The following RSRC2 variants were observed in gnomAD, a reference collection of about 807,000 sequenced individuals.
RSRC2 encodes arginine/serine-rich coiled-coil protein 2.
In RSRC2, 5 loss-of-function variants were observed where a neutral mutation model predicts 61.3. That is an observed-to-expected ratio of 0.08 (90% confidence interval 0.04 to 0.17). The LOEUF is 0.17. RSRC2 is among the 10% of genes least tolerant of loss of function. The pLI is 1.00. For missense variants in RSRC2, 381 were observed against 518.8 expected (o/e 0.73, Z 2.58); for synonymous variants, 202 against 166.5 (o/e 1.21, Z -1.64).
At chr12:122,514,547 T>A (rs1958766704) in intron 6 of RSRC2, 57 of 966,496 alleles carry the variant, frequency 5.9e-5, no homozygotes, top group Non-Finnish European at 7.0e-5. Flanking sequence ...ATTACAGGTG[T>A]GACCGATTGC....
rs1958023093 is a variant in RSRC2 at position 122,504,842 on chromosome 12, T to A, written c.*685A>T. On this transcript the variant is annotated 3_prime_UTR_variant, in exon 10 of 10. Transcript: ENST00000331738. ...TACTGAATACCAAGTCTGTCCCTTA[T>A]AATAGGAAAACATACTATTTTAGTA... 1 of 152,608 alleles carries A rather than the reference T, an allele frequency of 6.6e-6. No homozygotes were observed. The highest frequency in any genetic ancestry group is 2.4e-5 in the African/African-American group (1 of 41,450). 9.5% of individuals were successfully genotyped at this position (152,608 alleles called of 1,614,324 possible). A position where few individuals can be genotyped will look rare whatever the true frequency, so the allele number is the denominator to read the frequency against.
intron 3 of RSRC2, 114 bp from the exon 4 acceptor site, chr12:122,519,143 G>A (rs769594180): frequency 6.5e-5 from 49 of 755,510 alleles, no homozygotes; most frequent in Non-Finnish European, 1.0e-4. Context: ...AGGAGTGTGT[G>A]GCAAATAAAA....
chr12:122,524,172 T>C (rs969594076), intron 1 of RSRC2, among the ~76,000 whole-genome samples: 2 of 152,234 alleles, frequency 1.3e-5, no homozygotes, highest in African/African-American at 4.8e-5. Context: ...TGCATCTCCG[T>C]ATCTTTACTG....
intron 3 of RSRC2, chr12:122,520,252 C>T (rs1375602968): frequency 3.9e-6 from 1 of 255,038 alleles, no homozygotes; most frequent in Non-Finnish European, 7.9e-6. Flanking sequence ...AATAAGAGAC[C>T]TGGAGACACA....
chr12:122,508,084 T>C (rs1958246130), intron 8 of RSRC2, 134 bp downstream of exon 8: 1 of 789,898 alleles, frequency 1.3e-6, no homozygotes. Context: ...ATTAAAGGCA[T>C]AAGCCACCCG....
At chr12:122,524,317 C>T (rs1434999050) in intron 1 of RSRC2, among the ~76,000 whole-genome samples, 1 of 152,048 alleles carries the variant, frequency 6.6e-6, no homozygotes, top group Non-Finnish European at 1.5e-5. Context: ...AGTGTTTGTA[C>T]AGCTTACACT....
intron 5 of RSRC2, 39 bp downstream of exon 5, chr12:122,517,188 G>A (rs1959002531): frequency 6.2e-7 from 1 of 1,612,396 alleles, no homozygotes; most frequent in Non-Finnish European, 8.5e-7. Context: ...GACTCTCTGA[G>A]GGTCCTATTA....
chr12:122,508,569 A>C, intron 7 of RSRC2, 122 bp from the exon 8 acceptor site: 1 of 717,380 alleles, frequency 1.4e-6, no homozygotes, highest in African/African-American at 1.8e-5. Context: ...TTTTCACCAA[A>C]TCCAAGGAAA....
intron 5 of RSRC2, 130 bp from the exon 6 acceptor site, chr12:122,515,357 A>C: frequency 1.2e-6 from 1 of 865,786 alleles, no homozygotes; most frequent in South Asian, 1.7e-5. Flanking sequence ...AAAAGATTTA[A>C]AACATCAGTG....
chr12:122,522,465 G>T, intron 1 of RSRC2, 166 bp from the exon 2 acceptor site: 1 of 575,184 alleles, frequency 1.7e-6, no homozygotes, highest in Admixed American at 3.8e-5. Context: ...AAGGCTGAAT[G>T]GCTTGAAATG....
In RSRC2 at chr12:122,521,282, A is replaced by G. The variant is rs1959201198; in HGVS notation, c.207+103T>C. On this transcript the variant is annotated intron_variant, in intron 3 of 9. Coordinates refer to ENST00000331738, the MANE Select transcript of RSRC2 (RefSeq NM_023012.6). The stretch of plus-strand genomic sequence containing the variant: ...AACCCAATAAACCTTTTAAATTTCA[A>G]GTTTTGTACTTACCTTGACAACGTC... The G allele has an allele frequency of 8.9e-6, 7 of 782,798 alleles. No homozygotes were observed. In the African/African-American group the frequency reaches 1.0e-4, roughly 12 times the overall value. The allele number at this position is 782,798 out of a possible 1,614,324, so 48.5% of individuals were successfully genotyped here. A position where few individuals can be genotyped will look rare whatever the true frequency, so the allele number is the denominator to read the frequency against.
At chr12:122,521,789 G>A (rs11614176) in intron 2 of RSRC2, among the ~76,000 whole-genome samples, 6,096 of 152,224 alleles carry the variant, frequency 0.04, 178 homozygotes, top group Non-Finnish European at 0.057. Flanking sequence ...AAAATAAACA[G>A]GTTGAATTAT....
rs1410409923 is a variant in RSRC2 at position 122,518,797 on chromosome 12, A to T, written c.398+42T>A. On this transcript the variant is annotated intron_variant, in intron 4 of 9. Coordinates refer to ENST00000331738, the MANE Select transcript of RSRC2 (RefSeq NM_023012.6). Reference sequence around the variant, plus strand: ...GCTGGGTCAATGAGAAACTTTATGTAACTTGTTAGAAGGTACTACATTATA... The same window carrying T: ...GCTGGGTCAATGAGAAACTTTATGTTACTTGTTAGAAGGTACTACATTATA... 23 of 1,481,286 alleles carry T rather than the reference A, an allele frequency of 1.6e-5. No individual in the cohort carries two copies. In the Admixed American group the frequency reaches 4.0e-4, roughly 26 times the overall value. 91.8% of individuals were successfully genotyped at this position (1,481,286 alleles called of 1,614,324 possible). A position where few individuals can be genotyped will look rare whatever the true frequency, so the allele number is the denominator to read the frequency against.
At chr12:122,512,646 C>G (rs1357131565) in intron 6 of RSRC2, among the ~76,000 whole-genome samples, 1 of 150,534 alleles carries the variant, frequency 6.6e-6, no homozygotes, top group Non-Finnish European at 1.5e-5. Context: ...GCAGGAGAAT[C>G]GCTTGAACCC....
intron 6 of RSRC2, among the ~76,000 whole-genome samples, chr12:122,511,581 G>T (rs369373820): frequency 2.0e-5 from 3 of 152,134 alleles, no homozygotes; most frequent in African/African-American, 7.2e-5. Context: ...AAAGCCAGCC[G>T]ATCAAGACAT....
intron 7 of RSRC2, 123 bp downstream of exon 7, chr12:122,510,986 C>T: frequency 3.0e-6 from 2 of 656,620 alleles, no homozygotes; most frequent in Middle Eastern, 2.6e-4. Context: ...GAGTTTGAGG[C>T]TACCATGCGC....
At chr12:122,510,959 G>T in intron 7 of RSRC2, 150 bp downstream of exon 7, 1 of 597,746 alleles carries the variant, frequency 1.7e-6, no homozygotes, top group Non-Finnish European at 2.9e-6. Flanking sequence ...TGAGGTGGGA[G>T]GATCACTTGA....
intron 8 of RSRC2, chr12:122,507,276 G>A: frequency 3.6e-6 from 1 of 279,830 alleles, no homozygotes; most frequent in Non-Finnish European, 7.0e-6. Flanking sequence ...GAGGGTCTCA[G>A]GAGTCTGAGG....
intron 6 of RSRC2, 123 bp from the exon 7 acceptor site, chr12:122,511,311 C>T (rs1041113987): frequency 2.2e-5 from 13 of 602,058 alleles, no homozygotes; most frequent in Non-Finnish European, 3.7e-5. Flanking sequence ...TTTAGCATCC[C>T]TCCACCGATA....
Sources: allele counts gnomAD v4.1 joint callset (sites outside exome capture counted in the v4.1 genomes callset), GRCh38; gene constraint gnomAD v4.1.1; transcripts MANE v1.5; gene names NCBI Gene and HGNC (gene_info 2026-07-23, HGNC 2026-07-21).